COL27A1: variants seen among roughly 807,000 people sequenced by gnomAD.
The protein encoded by COL27A1 is collagen type XXVII alpha 1 chain, also known as collagen alpha-1(XXVII) chain.
COL27A1 carries 106 observed loss-of-function variants against 251.3 expected under a neutral mutation model. The observed-to-expected ratio is 0.42, with a 90% CI of 0.36 to 0.50. COL27A1 has a LOEUF of 0.50. Ranked by LOEUF, COL27A1 falls within the 20% of genes least tolerant of loss-of-function variation. The probability of loss-of-function intolerance (pLI) is 0.00; values close to 1 mark genes in which losing one functional copy is unlikely to be tolerated. For missense variants in COL27A1, 2,325 were observed against 2,522.8 expected (o/e 0.92, Z 1.68); for synonymous variants, 1,000 against 986.3 (o/e 1.01, Z -0.26).
At chr9:114,248,606 C>T (rs1833309608) in intron 24 of COL27A1, among the ~76,000 whole-genome samples, 1 of 152,210 alleles carries the variant, frequency 6.6e-6, no homozygotes, top group Admixed American at 6.5e-5. Context: ...CCTGCCTGGA[C>T]TTCTGGGCCT....
At chr9:114,258,616 G>A (rs1409706563) in intron 28 of COL27A1, 22 bp downstream of exon 28, 3 of 1,612,708 alleles carry the variant, frequency 1.9e-6, no homozygotes, top group Non-Finnish European at 2.5e-6. Context: ...CCAGCTCCTG[G>A]GGGCTGATGC....
chr9:114,256,532 G>A (rs1012571191), intron 27 of COL27A1, among the ~76,000 whole-genome samples: 4 of 152,184 alleles, frequency 2.6e-5, no homozygotes, highest in African/African-American at 7.2e-5. Flanking sequence ...GGGGGTGGGA[G>A]TGAGGCCCTG....
At chr9:114,280,419 T>C (rs1166736802) in intron 37 of COL27A1, among the ~76,000 whole-genome samples, 2 of 152,218 alleles carry the variant, frequency 1.3e-5, no homozygotes, top group African/African-American at 4.8e-5. Flanking sequence ...GCCAGGCTGG[T>C]CTTGAGCTCC....
intron 23 of COL27A1, among the ~76,000 whole-genome samples, chr9:114,245,159 T>G (rs867174341): frequency 0.29 from 37,329 of 130,786 alleles, 5,372 homozygotes; most frequent in Non-Finnish European, 0.32. Flanking sequence ...TTTTTTTTTT[T>G]TTTTTTTTTT....
intron 1 of COL27A1, among the ~76,000 whole-genome samples, chr9:114,160,151 G>GTTTTTTTTTTTTTTTTTTTTTTTTT: frequency 7.3e-6 from 1 of 137,846 alleles, no homozygotes; most frequent in East Asian, 2.2e-4. Flanking sequence ...ACTTTTTAAA[G>GTTTTTTTTTTTTTTTTTTTTTTTTT]TCTATTTTTT....
At chr9:114,226,780 A>G (rs1831500798) in intron 14 of COL27A1, among the ~76,000 whole-genome samples, 1 of 152,186 alleles carries the variant, frequency 6.6e-6, no homozygotes, top group South Asian at 2.1e-4. Flanking sequence ...ACCTCCTCAG[A>G]GCTGTGCCCT....
intron 11 of COL27A1, among the ~76,000 whole-genome samples, chr9:114,210,080 C>T (rs1054566148): frequency 6.6e-6 from 1 of 152,160 alleles, no homozygotes; most frequent in Non-Finnish European, 1.5e-5. Context: ...TGAGGGTATG[C>T]GGAGCCTCTT....
intron 3 of COL27A1, among the ~76,000 whole-genome samples, chr9:114,170,931 G>T (rs1433716044): frequency 2.0e-5 from 3 of 152,190 alleles, no homozygotes; most frequent in Non-Finnish European, 4.4e-5. Flanking sequence ...ACATGGTGAG[G>T]TCCATGGTCT....
intron 28 of COL27A1, among the ~76,000 whole-genome samples, chr9:114,258,814 G>C (rs1834122576): frequency 1.3e-5 from 2 of 152,214 alleles, no homozygotes; most frequent in Admixed American, 6.5e-5. Flanking sequence ...CTATCCACCA[G>C]GCACAGTCGG....
intron 7 of COL27A1, among the ~76,000 whole-genome samples, chr9:114,198,643 G>C (rs1047339211): frequency 6.6e-6 from 1 of 152,212 alleles, no homozygotes; most frequent in African/African-American, 2.4e-5. Flanking sequence ...TCACCACAAG[G>C]CTGATTGAAA....
In COL27A1 at chr9:114,219,783, C is replaced by T. The variant is rs577592327; in HGVS notation, c.2368-8C>T. On this transcript the variant is annotated splice_region_variant and splice_polypyrimidine_tract_variant and intron_variant, in intron 12 of 60. Transcript: ENST00000356083. ...CTACAGATGTTTGTTCTCTCTCATG[C>T]CCTCCAGGGGTTTCCTGGAGTCTTT... 2 of 1,599,762 alleles carry T rather than the reference C, an allele frequency of 1.3e-6. No homozygotes were observed. The highest frequency in any genetic ancestry group is 1.3e-5 in the African/African-American group (1 of 74,674).
rs1827795212 is a variant in COL27A1 at position 114,290,037 on chromosome 9, A to G, written c.4207-21A>G. The G allele has an allele frequency of 6.2e-7, 1 of 1,611,252 alleles. No homozygotes were observed. Among genetic ancestry groups the G allele is most frequent in the African/African-American group, 1.3e-5 (1 of 74,774 alleles). ...ACACCTCTACCAGGCAGCCTCCATC[A>G]TGTGGCCCTTGATTTTTCAGGGACC... On this transcript the variant is annotated intron_variant, in intron 45 of 60. Coordinates refer to ENST00000356083, the MANE Select transcript of COL27A1 (RefSeq NM_032888.4). The surrounding 1 kb of genome is among the most constrained non-coding windows in gnomAD (Gnocchi z 4.6).
intron 13 of COL27A1, among the ~76,000 whole-genome samples, chr9:114,220,745 G>A (rs1298404138): frequency 1.3e-5 from 2 of 152,104 alleles, no homozygotes; most frequent in African/African-American, 2.4e-5. Flanking sequence ...TGTAATCCCA[G>A]CACTTTGGGA....
At chr9:114,267,651 T>C (rs553592945) in intron 34 of COL27A1, 94 bp downstream of exon 34, 3 of 1,193,046 alleles carry the variant, frequency 2.5e-6, no homozygotes, top group Admixed American at 5.1e-5. Flanking sequence ...TGGGCCTTTC[T>C]TGTGGCTGGG....
chr9:114,299,650 G>A (rs114893287), intron 49 of COL27A1, among the ~76,000 whole-genome samples: 136 of 152,324 alleles, frequency 8.9e-4, no homozygotes, highest in African/African-American at 3.2e-3. Flanking sequence ...GAAGTGTGGC[G>A]GTCCAGGCAA....
At chr9:114,161,436 G>T (rs1020210995) in intron 1 of COL27A1, among the ~76,000 whole-genome samples, 4 of 152,128 alleles carry the variant, frequency 2.6e-5, no homozygotes, top group African/African-American at 9.7e-5. Context: ...AGGAAGGAGG[G>T]ATGCTGTGGG....
chr9:114,289,271 AC>A lies in COL27A1; in HGVS notation c.4185del (p.Gly1397AspfsTer170). 1 of 1,594,450 alleles carries A rather than the reference AC, an allele frequency of 6.3e-7. No homozygotes were observed. The highest frequency in any genetic ancestry group is 8.5e-7 in the Non-Finnish European group (1 of 1,172,604). ...ATCCGGGACCCCGGGGGTGGCCGGG[AC>A]CCAAAGGATCGAAAGGCGCAGAGGT... is the stretch of plus-strand genomic sequence containing the variant. The part of the protein sequence containing the change: ...GHPGPRGWPG[P>X]KGSKGAEGPK... On this transcript the variant is annotated frameshift_variant, in exon 45 of 61. Transcript: ENST00000356083. LOFTEE classifies it high-confidence loss of function.
intron 5 of COL27A1, among the ~76,000 whole-genome samples, chr9:114,183,478 G>A (rs928120826): frequency 2.6e-5 from 4 of 152,162 alleles, no homozygotes; most frequent in Admixed American, 6.5e-5. Flanking sequence ...GGATGAATGC[G>A]GGGTGGGGAA....
At chr9:114,283,310 G>A (rs549577905) in intron 39 of COL27A1, among the ~76,000 whole-genome samples, 24 of 152,346 alleles carry the variant, frequency 1.6e-4, no homozygotes, top group African/African-American at 5.3e-4. Context: ...ATAACCTCAT[G>A]AGTGTAGGTA....
Sources: allele counts gnomAD v4.1 joint callset (sites outside exome capture counted in the v4.1 genomes callset), GRCh38; gene constraint gnomAD v4.1.1; non-coding constraint Gnocchi (gnomAD v3.1); transcripts MANE v1.5; gene names NCBI Gene and HGNC (gene_info 2026-07-23, HGNC 2026-07-21).